The following IL17RD variants were observed in gnomAD, a reference collection of about 807,000 sequenced individuals.
IL17RD encodes the protein interleukin 17 receptor D.
A neutral mutation model predicts 80.5 loss-of-function variants in IL17RD; 52 were observed. That is an observed-to-expected ratio of 0.65 (90% CI 0.52 to 0.81). The LOEUF is 0.81. Among genes scored for constraint, IL17RD ranks in the 40% least tolerant of loss-of-function variants. IL17RD has a pLI of 0.00. For synonymous variants in IL17RD, 416 were observed against 391.8 expected (o/e 1.06, Z -0.73); for missense variants, 1,024 against 955.1 (o/e 1.07, Z -0.95).
At chr3:57,160,844 C>G (rs368677480) in intron 1 of IL17RD, among the ~76,000 whole-genome samples, 2 of 152,226 alleles carry the variant, frequency 1.3e-5, no homozygotes, top group East Asian at 1.9e-4. Context: ...CCACCTCACT[C>G]TCACTCTGAT....
intron 1 of IL17RD, among the ~76,000 whole-genome samples, chr3:57,127,212 AT>A (rs1707480768): frequency 8.4e-6 from 1 of 118,406 alleles, no homozygotes; most frequent in African/African-American, 4.0e-5. Flanking sequence ...ATATATAAAA[AT>A]ATATATAAAT....
At chr3:57,159,030 C>A (rs943970567) in intron 1 of IL17RD, among the ~76,000 whole-genome samples, 1 of 152,174 alleles carries the variant, frequency 6.6e-6, no homozygotes, top group Non-Finnish European at 1.5e-5. Flanking sequence ...GGGTTTCCAA[C>A]TCACACAATG....
chr3:57,164,733 G>T (rs1456854289), intron 1 of IL17RD, among the ~76,000 whole-genome samples: 1 of 152,184 alleles, frequency 6.6e-6, no homozygotes, highest in Non-Finnish European at 1.5e-5. Flanking sequence ...GTTGTGGACT[G>T]AAAGTCCGGG....
intron 5 of IL17RD, among the ~76,000 whole-genome samples, chr3:57,109,130 G>A (rs998005740): frequency 6.6e-6 from 1 of 152,026 alleles, no homozygotes; most frequent in Non-Finnish European, 1.5e-5. Flanking sequence ...CCAGTATTTG[G>A]CATGTTTTTT....
intron 1 of IL17RD, among the ~76,000 whole-genome samples, chr3:57,125,326 G>A (rs937599135): frequency 6.6e-6 from 1 of 152,088 alleles, no homozygotes; most frequent in Non-Finnish European, 1.5e-5. Context: ...AGAATTGCTT[G>A]AATCTGGGAG....
At chr3:57,125,858 T>C (rs1276653073) in intron 1 of IL17RD, among the ~76,000 whole-genome samples, 6 of 152,232 alleles carry the variant, frequency 3.9e-5, no homozygotes, top group Non-Finnish European at 7.3e-5. Context: ...TCAAAACCCC[T>C]GCCTACAGTC....
At chr3:57,145,343 C>T (rs990819380) in intron 1 of IL17RD, among the ~76,000 whole-genome samples, 18 of 152,052 alleles carry the variant, frequency 1.2e-4, no homozygotes, top group African/African-American at 4.3e-4. Flanking sequence ...GGTCTTTGGC[C>T]ATGTGGATAA....
intron 1 of IL17RD, among the ~76,000 whole-genome samples, chr3:57,135,554 T>C (rs1707707387): frequency 6.6e-6 from 1 of 152,184 alleles, no homozygotes; most frequent in African/African-American, 2.4e-5. Flanking sequence ...TGAAGAAGAC[T>C]CTTCCAGACG....
chr3:57,136,192 C>G (rs1165160953), intron 1 of IL17RD, among the ~76,000 whole-genome samples: 2 of 152,144 alleles, frequency 1.3e-5, no homozygotes, highest in Admixed American at 1.3e-4. Flanking sequence ...CCAACTCTTT[C>G]CAGAGAGTCA....
At chr3:57,164,838 G>T in intron 1 of IL17RD, 1 of 1,041,626 alleles carries the variant, frequency 9.6e-7, no homozygotes, top group Non-Finnish European at 1.2e-6. Context: ...AGGAGGTCCC[G>T]GGCCAAGAAC....
chr3:57,117,264 C>A (rs570482593), intron 2 of IL17RD, among the ~76,000 whole-genome samples: 1 of 152,234 alleles, frequency 6.6e-6, no homozygotes, highest in South Asian at 2.1e-4. Context: ...CAGGCACATG[C>A]CACCACGCCC....
chr3:57,136,653 A>C (rs894069571), intron 1 of IL17RD, among the ~76,000 whole-genome samples: 1 of 151,432 alleles, frequency 6.6e-6, no homozygotes, highest in African/African-American at 2.4e-5. Context: ...AAAAAAAAAA[A>C]AAAAAAAAAA....
chr3:57,110,139 A>G, intron 4 of IL17RD, 54 bp downstream of exon 4: 1 of 1,551,274 alleles, frequency 6.4e-7, no homozygotes, highest in Non-Finnish European at 8.7e-7. Flanking sequence ...TACACTATTC[A>G]GGACCCTGGA....
chr3:57,124,345 T>C (rs1419967999), intron 1 of IL17RD, among the ~76,000 whole-genome samples: 2 of 152,130 alleles, frequency 1.3e-5, no homozygotes, highest in African/African-American at 4.8e-5. Flanking sequence ...ACTATGGAGA[T>C]GTAATTAAGT....
intron 1 of IL17RD, among the ~76,000 whole-genome samples, chr3:57,163,757 TAGGA>T (rs1232867313): frequency 8.0e-6 from 1 of 124,348 alleles, no homozygotes; most frequent in Non-Finnish European, 1.6e-5. Flanking sequence ...TTTACTCAAC[TAGGA>T]AGGAATGACA....
chr3:57,165,303 A>T lies in IL17RD; in HGVS notation c.-17T>A. 1 of 1,414,590 alleles carries T rather than the reference A, an allele frequency of 7.1e-7. No homozygotes were observed. The highest frequency in any genetic ancestry group is 3.1e-5 in the East Asian group (1 of 31,842). The allele number at this position is 1,414,590 out of a possible 1,614,324, so 87.6% of individuals were successfully genotyped here. A position where few individuals can be genotyped will look rare whatever the true frequency, so the allele number is the denominator to read the frequency against. On this transcript the variant is annotated 5_prime_UTR_variant, in exon 1 of 13. Coordinates refer to ENST00000296318, the MANE Select transcript of IL17RD (RefSeq NM_017563.5). The stretch of plus-strand genomic sequence containing the variant: ...CGGGGCCATGGCCGTGCGCTCGCCC[A>T]GCCAGGCCGTTCTCTGCGCCCCGGC...
intron 1 of IL17RD, among the ~76,000 whole-genome samples, chr3:57,162,356 A>G (rs10510790): frequency 0.045 from 6,915 of 152,282 alleles, 188 homozygotes; most frequent in Non-Finnish European, 0.065. Flanking sequence ...TGCATCACAT[A>G]TAGTCGACCC....
At chr3:57,105,080 C>T (rs1415578970) in intron 7 of IL17RD, among the ~76,000 whole-genome samples, 1 of 152,182 alleles carries the variant, frequency 6.6e-6, no homozygotes, top group African/African-American at 2.4e-5. Context: ...TTTCCACTTA[C>T]TAGCTGTGCG....
At chr3:57,110,100 C>T in intron 4 of IL17RD, 93 bp downstream of exon 4, 2 of 1,434,462 alleles carry the variant, frequency 1.4e-6, no homozygotes, top group Non-Finnish European at 1.9e-6. Flanking sequence ...GACCCCATAG[C>T]CCCTCCTTCT....
Sources: allele counts gnomAD v4.1 joint callset (sites outside exome capture counted in the v4.1 genomes callset), GRCh38; gene constraint gnomAD v4.1.1; transcripts MANE v1.5; gene names NCBI Gene and HGNC (gene_info 2026-07-23, HGNC 2026-07-21).